FOXO1: variants seen among roughly 807,000 people sequenced by gnomAD.
FOXO1 encodes forkhead box O1.
FOXO1 carries 6 observed loss-of-function variants against 44.1 expected under a neutral mutation model. The ratio of observed to expected loss-of-function variants is 0.14; its 90% confidence interval spans 0.07 to 0.27. The LOEUF is 0.27. Among genes scored for constraint, FOXO1 ranks in the 10% least tolerant of loss-of-function variants. The pLI is 1.00. For synonymous variants in FOXO1, 380 were observed against 362.7 expected, an observed-to-expected ratio of 1.05 and a Z score of -0.54; for missense variants, 737 against 888.8, an observed-to-expected ratio of 0.83 and a Z score of 2.17.
chr13:40,649,920 G>C (rs370915137), intron 1 of FOXO1, among the ~76,000 whole-genome samples: 21 of 152,286 alleles, frequency 1.4e-4, no homozygotes, highest in African/African-American at 5.1e-4. Context: ...TTACAGGAAA[G>C]GGGTCCCAAT....
In FOXO1 at chr13:40,560,969, T is replaced by C; in HGVS notation, c.631-109A>G. The C allele has an allele frequency of 9.0e-7, 1 of 1,107,506 alleles. No homozygotes were observed. The highest frequency in any genetic ancestry group is 1.3e-6 in the Non-Finnish European group (1 of 790,138). 68.6% of individuals were successfully genotyped at this position (1,107,506 alleles called of 1,614,324 possible). On this transcript the variant is annotated intron_variant, in intron 1 of 2. Coordinates refer to ENST00000379561, the MANE Select transcript of FOXO1 (RefSeq NM_002015.4). This position sits in a 1 kb window ranked among gnomAD's most constrained non-coding sequence, Gnocchi z 5.1. Reference sequence around the variant, plus strand: ...AGTAAAAAATCTTAAGAGTGTGTGCTACAGATTTCCATCTGAACAGTCCTA... The same window carrying C: ...AGTAAAAAATCTTAAGAGTGTGTGCCACAGATTTCCATCTGAACAGTCCTA...
intron 1 of FOXO1, among the ~76,000 whole-genome samples, chr13:40,659,314 C>CAAAAAAAAAA (rs1210028542): frequency 4.6e-5 from 4 of 87,618 alleles, no homozygotes; most frequent in East Asian, 2.8e-4. Context: ...GACTCCGTCT[C>CAAAAAAAAAA]AAAAAAAAAA....
At position 40,556,099 on chromosome 13, in the gene FOXO1, A is replaced by C. The variant is rs1371880696; in HGVS notation, c.*2950T>G. ...ACCAGAAAAGAAACTTCTCTTTTAA[A>C]ATTAGTTATAAATTAAGAACTCTTA... On this transcript the variant is annotated 3_prime_UTR_variant, in exon 3 of 3. Transcript: ENST00000379561. The C allele has an allele frequency of 6.6e-6, 1 of 152,260 alleles. No individual in the cohort carries two copies. The highest frequency in any genetic ancestry group is 1.5e-5 in the Non-Finnish European group (1 of 68,048). 9.4% of individuals were successfully genotyped at this position (152,260 alleles called of 1,614,324 possible).
chr13:40,633,400 A>T (rs1463155878), intron 1 of FOXO1, among the ~76,000 whole-genome samples: 1 of 152,260 alleles, frequency 6.6e-6, no homozygotes, highest in Non-Finnish European at 1.5e-5. Context: ...TAAATGGATA[A>T]AATATACTAT....
At chr13:40,661,667 C>T (rs1878040616) in intron 1 of FOXO1, among the ~76,000 whole-genome samples, 1 of 152,138 alleles carries the variant, frequency 6.6e-6, no homozygotes, top group Non-Finnish European at 1.5e-5. Flanking sequence ...ATCCTCTAAC[C>T]ACTCGGTCTC....
At chr13:40,594,886 T>C (rs1420112926) in intron 1 of FOXO1, among the ~76,000 whole-genome samples, 1 of 152,188 alleles carries the variant, frequency 6.6e-6, no homozygotes, top group African/African-American at 2.4e-5. Context: ...AAGGTCTCAC[T>C]ATGTTGCCCA....
At chr13:40,652,760 A>AACCATATGCAAACCATTTCCTTTG (rs1366847732) in intron 1 of FOXO1, among the ~76,000 whole-genome samples, 2 of 152,220 alleles carry the variant, frequency 1.3e-5, no homozygotes, top group African/African-American at 4.8e-5. Context: ...CTTCTAGCTA[A>AACCATATGCAAACCATTTCCTTTG]ACCATATGCA....
intron 1 of FOXO1, among the ~76,000 whole-genome samples, chr13:40,595,643 T>G (rs957737609): frequency 2.6e-5 from 4 of 152,178 alleles, no homozygotes; most frequent in African/African-American, 9.7e-5. Context: ...TATAAAATTA[T>G]CAAGTGAACA....
intron 1 of FOXO1, among the ~76,000 whole-genome samples, chr13:40,647,574 T>A (rs1459035728): frequency 6.6e-6 from 1 of 152,140 alleles, no homozygotes; most frequent in Non-Finnish European, 1.5e-5. Context: ...CTGGCTAGTT[T>A]TTGTATTTTT....
chr13:40,591,765 G>C (rs990447536), intron 1 of FOXO1, among the ~76,000 whole-genome samples: 1 of 152,084 alleles, frequency 6.6e-6, no homozygotes, highest in African/African-American at 2.4e-5. Flanking sequence ...GAGGTGGCTC[G>C]ATCTTGGCTC....
chr13:40,568,967 AG>A (rs1874377196), intron 1 of FOXO1, among the ~76,000 whole-genome samples: 1 of 152,016 alleles, frequency 6.6e-6, no homozygotes, highest in Non-Finnish European at 1.5e-5. Flanking sequence ...ATGGAGCTTT[AG>A]TACTGGAAGA....
chr13:40,563,520 C>T (rs988497201), intron 1 of FOXO1, among the ~76,000 whole-genome samples: 1 of 152,094 alleles, frequency 6.6e-6, no homozygotes, highest in Non-Finnish European at 1.5e-5. Context: ...AAGACACCAC[C>T]GGAGCCCCAG....
intron 1 of FOXO1, among the ~76,000 whole-genome samples, chr13:40,610,413 G>A (rs1320965124): frequency 6.6e-6 from 1 of 152,188 alleles, no homozygotes; most frequent in Non-Finnish European, 1.5e-5. Flanking sequence ...AAGCATCCAA[G>A]TTGTAAAACA....
At chr13:40,604,303 T>G (rs542564960) in intron 1 of FOXO1, among the ~76,000 whole-genome samples, 2 of 152,206 alleles carry the variant, frequency 1.3e-5, no homozygotes, top group East Asian at 3.9e-4. Flanking sequence ...TGTATATGTA[T>G]GTGCATGTAC....
Position 40,557,057 on chromosome 13 carries a change from T to G in FOXO1, c.*1992A>C, listed in dbSNP as rs1043185540. The G allele has an allele frequency of 6.6e-6, 1 of 152,200 alleles. No individual in the cohort carries two copies. Among genetic ancestry groups the G allele is most frequent in the Non-Finnish European group, 1.5e-5 (1 of 68,024 alleles). The allele number at this position is 152,200 out of a possible 1,614,324, so 9.4% of individuals were successfully genotyped here. Reference sequence around the variant, plus strand: ...AAAAATGATCATCACAGTGGGAAGCTTACAATAGAGCTGGCTTACTGTAGG... The same window carrying G: ...AAAAATGATCATCACAGTGGGAAGCGTACAATAGAGCTGGCTTACTGTAGG... On this transcript the variant is annotated 3_prime_UTR_variant, in exon 3 of 3. Transcript: ENST00000379561.
In FOXO1 at chr13:40,557,367, TGATAGGAA is replaced by T. The variant is rs1489386929; in HGVS notation, c.*1674_*1681del. 6.6e-6 allele frequency: 1 copy of T among 152,238 alleles called. No individual in the cohort carries two copies. The highest frequency in any genetic ancestry group is 2.4e-5 in the African/African-American group (1 of 41,466). 9.4% of individuals were successfully genotyped at this position (152,238 alleles called of 1,614,324 possible). On this transcript the variant is annotated 3_prime_UTR_variant, in exon 3 of 3. Transcript: ENST00000379561. ...GTAATTGGAAAGTAATAAAACATAATGATAGGAATTACAGTTTAGGTTGCTACAGGCTA... is the reference window on the plus strand; with the variant it reads ...GTAATTGGAAAGTAATAAAACATAATTTACAGTTTAGGTTGCTACAGGCTA...
At chr13:40,665,213 G>T (rs1043507346) in intron 1 of FOXO1, among the ~76,000 whole-genome samples, 3 of 151,990 alleles carry the variant, frequency 2.0e-5, no homozygotes, top group Non-Finnish European at 4.4e-5. Context: ...CGGAGGTCCG[G>T]GAGGGAAGGG....
intron 1 of FOXO1, among the ~76,000 whole-genome samples, chr13:40,633,738 T>C (rs1877052268): frequency 6.6e-6 from 1 of 152,188 alleles, no homozygotes; most frequent in Admixed American, 6.5e-5. Flanking sequence ...TTTAAGTGGG[T>C]AAACTGTTAT....
rs571167124 is a variant in FOXO1, at chr13:40,566,613, C to T, written c.631-5753G>A. Among the ~76,000 whole-genome samples the T allele has an allele frequency of 2.3e-3, 344 of 152,168 alleles. 6 individuals are homozygous for T. The highest frequency in any genetic ancestry group is 8.0e-3 in the African/African-American group (331 of 41,506). On this transcript the variant is annotated intron_variant, in intron 1 of 2. Coordinates refer to ENST00000379561, the MANE Select transcript of FOXO1 (RefSeq NM_002015.4). Reference sequence around the variant, plus strand: ...CAGGCTGGTCTCGAACTCCTGACCTCGTGATCTGCCTGCCTCAGTCTCCAC... The same window carrying T: ...CAGGCTGGTCTCGAACTCCTGACCTTGTGATCTGCCTGCCTCAGTCTCCAC...
Sources: gnomAD v4.1 joint callset for allele counts (sites outside exome capture counted in the v4.1 genomes callset) on GRCh38, gnomAD v4.1.1 for gene constraint, Gnocchi (gnomAD v3.1) non-coding constraint, MANE v1.5 for transcripts, NCBI Gene and HGNC (gene_info 2026-07-23, HGNC 2026-07-21) for gene names.